Variants in EPN2 observed in about 807,000 individuals in gnomAD.
EPN2 encodes the protein epsin 2.
Under a neutral mutation model 61.7 loss-of-function variants are expected in EPN2, and 34 were observed. The ratio of observed to expected loss-of-function variants is 0.55; its 90% CI spans 0.42 to 0.73. The LOEUF is 0.73. Ranked by LOEUF, EPN2 falls within the 30% of genes least tolerant of loss-of-function variation. EPN2 has a pLI of 0.00. For missense variants in EPN2, 714 were observed against 839.2 expected, an observed-to-expected ratio of 0.85 and a Z score of 1.84; for synonymous variants, 349 against 353.6, an observed-to-expected ratio of 0.99 and a Z score of 0.15.
chr17:19,316,673 G>A (rs570452372), intron 7 of EPN2, among the ~76,000 whole-genome samples: 1 of 152,308 alleles, frequency 6.6e-6, no homozygotes, highest in Admixed American at 6.5e-5. Flanking sequence ...ACGTGTGTAT[G>A]TATGTGTATA....
At chr17:19,266,737 T>C (rs1004859592) in intron 1 of EPN2, among the ~76,000 whole-genome samples, 1 of 151,888 alleles carries the variant, frequency 6.6e-6, no homozygotes, top group Non-Finnish European at 1.5e-5. Flanking sequence ...ATGAATATTC[T>C]TCATGGCATG....
chr17:19,250,720 T>C (rs1044827482), intron 1 of EPN2, among the ~76,000 whole-genome samples: 1 of 152,124 alleles, frequency 6.6e-6, no homozygotes. Context: ...TTATTTCCCC[T>C]GGTTGTCTGG....
chr17:19,309,633 G>A (rs570711944), intron 4 of EPN2, among the ~76,000 whole-genome samples: 119 of 152,354 alleles, frequency 7.8e-4, no homozygotes, highest in African/African-American at 2.7e-3. Context: ...GCTGGGGCTT[G>A]CATACCCAAA....
chr17:19,330,877 C>G (rs2152240399), intron 9 of EPN2, among the ~76,000 whole-genome samples: 1 of 152,268 alleles, frequency 6.6e-6, no homozygotes, highest in Admixed American at 6.5e-5. Context: ...GTGCACCTGC[C>G]TGTGGTCCCA....
At chr17:19,269,403 A>C (rs1383298235) in intron 1 of EPN2, among the ~76,000 whole-genome samples, 4 of 152,240 alleles carry the variant, frequency 2.6e-5, no homozygotes, top group African/African-American at 9.6e-5. Context: ...TCAGATGACA[A>C]CAGCTATTTC....
intron 1 of EPN2, among the ~76,000 whole-genome samples, chr17:19,260,113 G>A (rs2045124916): frequency 6.6e-6 from 1 of 152,210 alleles, no homozygotes; most frequent in South Asian, 2.1e-4. Context: ...TTCAGCACCA[G>A]CCCAGTGCCT....
At chr17:19,265,453 C>T (rs530451810) in intron 1 of EPN2, among the ~76,000 whole-genome samples, 6 of 152,010 alleles carry the variant, frequency 3.9e-5, no homozygotes, top group African/African-American at 1.4e-4. Context: ...CGTTGGTGGT[C>T]ATTAGAAGGT....
intron 1 of EPN2, among the ~76,000 whole-genome samples, chr17:19,254,229 G>A (rs1299904099): frequency 1.3e-5 from 2 of 151,622 alleles, no homozygotes; most frequent in Non-Finnish European, 2.9e-5. Flanking sequence ...GGAAAGGAAA[G>A]GAAGGAAGGA....
intron 4 of EPN2, among the ~76,000 whole-genome samples, chr17:19,292,185 G>T (rs1429072650): frequency 1.3e-5 from 2 of 152,276 alleles, no homozygotes; most frequent in Non-Finnish European, 2.9e-5. Context: ...CTGAGAGTGT[G>T]GGAGGTGACA....
intron 7 of EPN2, among the ~76,000 whole-genome samples, chr17:19,314,968 CTGTCGGATAGT>C (rs1380589285): frequency 2.0e-5 from 3 of 152,234 alleles, no homozygotes. Context: ...GTTCATTAAA[CTGTCGGATAGT>C]TGTCTTAGTG....
At chr17:19,278,168 G>A (rs1409760749) in intron 1 of EPN2, among the ~76,000 whole-genome samples, 1 of 152,050 alleles carries the variant, frequency 6.6e-6, no homozygotes, top group East Asian at 1.9e-4. Flanking sequence ...TAGAGACGGG[G>A]TCTCGCCATG....
intron 7 of EPN2, among the ~76,000 whole-genome samples, chr17:19,315,987 G>A (rs571503926): frequency 1.3e-3 from 192 of 152,318 alleles, no homozygotes; most frequent in Middle Eastern, 3.4e-3. Flanking sequence ...GTCATGCACT[G>A]TGTGGACTTT....
At position 19,312,132 on chromosome 17, in the gene EPN2, A is replaced by G. The variant is rs140735903; in HGVS notation, c.960A>G (p.Pro320=). 40 of 1,612,974 alleles carry G rather than the reference A, an allele frequency of 2.5e-5. No individual in the cohort carries two copies. In the African/African-American group the frequency reaches 3.3e-4, roughly 13 times the overall value. ...GCCGAAGGGACACAGTTAAAATTCC[A>G]AAAAAGAAAGAGGTAAGAGCTTGCT... ...EESRRDTVKI[P]KKKEHGSLPQ... The change falls in exon 6 of 11, where the codon CCA becomes CCG. Residue 320 remains proline, a synonymous_variant. Coordinates refer to ENST00000314728, the MANE Select transcript of EPN2 (RefSeq NM_014964.5).
Position 19,328,842 on chromosome 17 carries a change from G to A in EPN2, c.1279G>A (p.Asp427Asn). 1.2e-6 allele frequency: 2 copies of A among 1,613,418 alleles called. No individual in the cohort carries two copies. Among genetic ancestry groups the A allele is most frequent in the Non-Finnish European group, 1.7e-6 (2 of 1,179,600 alleles). Residue 427 changes from aspartate to asparagine, a missense_variant, in exon 8 of 11, where the codon GAC (aspartate) becomes AAC (asparagine). This residue lies in a region of EPN2 where 410 missense variants were observed against 421.8 expected (regional missense o/e 0.97). Transcript: ENST00000314728. ...CTCCAGTGCTGGGAAAAGAGCTTCT[G>A]ACGCGTGGGGCGCAGTCTCCACCAC... is the stretch of plus-strand genomic sequence containing the variant. ...PASSAGKRASDAWGAVSTTKP... is the reference protein window; with the variant it reads ...PASSAGKRASNAWGAVSTTKP...
At chr17:19,262,553 C>T (rs1276907930) in intron 1 of EPN2, among the ~76,000 whole-genome samples, 1 of 152,200 alleles carries the variant, frequency 6.6e-6, no homozygotes, top group African/African-American at 2.4e-5. Context: ...TAAAGTTCAC[C>T]ATCAGCATAA....
At chr17:19,258,484 C>CGTTGG (rs986349723) in intron 1 of EPN2, among the ~76,000 whole-genome samples, 4 of 152,210 alleles carry the variant, frequency 2.6e-5, no homozygotes, top group Non-Finnish European at 4.4e-5. Context: ...CGTTTGGTGA[C>CGTTGG]GTTGGGTTGG....
At chr17:19,305,245 C>T (rs947553766) in intron 4 of EPN2, among the ~76,000 whole-genome samples, 1 of 151,984 alleles carries the variant, frequency 6.6e-6, no homozygotes, top group Admixed American at 6.6e-5. Flanking sequence ...CCTCAGCCTC[C>T]TGGGTAGCTG....
At chr17:19,237,731 CGGACT>C (rs1597960932) in intron 1 of EPN2, among the ~76,000 whole-genome samples, 200 bp downstream of exon 1, 1 of 152,302 alleles carries the variant, frequency 6.6e-6, no homozygotes, top group East Asian at 1.9e-4. Flanking sequence ...CCCCGCCCCA[CGGACT>C]GGAGCATGGC....
At chr17:19,292,278 G>A (rs757059700) in intron 4 of EPN2, among the ~76,000 whole-genome samples, 8 of 152,144 alleles carry the variant, frequency 5.3e-5, no homozygotes, top group Non-Finnish European at 8.8e-5. Flanking sequence ...GGTGGTTGGT[G>A]GCCACCAGCC....
Sources: gnomAD v4.1 joint callset for allele counts (sites outside exome capture counted in the v4.1 genomes callset) on GRCh38, gnomAD v4.1.1 for gene constraint, gnomAD v4.1.1 regional missense constraint, MANE v1.5 for transcripts, NCBI Gene and HGNC (gene_info 2026-07-23, HGNC 2026-07-21) for gene names.